Variants in ERLIN2 observed in about 807,000 individuals in gnomAD.
ERLIN2 encodes erlin-2.
ERLIN2 carries 22 observed loss-of-function variants against 41.5 expected under a neutral mutation model. The observed-to-expected ratio is 0.53, with a 90% CI of 0.38 to 0.76. The LOEUF is 0.76. Among genes scored for constraint, ERLIN2 ranks in the 30% least tolerant of loss-of-function variants. ERLIN2 has a pLI of 0.00. For synonymous variants in ERLIN2, 149 were observed against 150.9 expected (o/e 0.99, Z 0.09); for missense variants, 247 against 414.3 (o/e 0.60, Z 3.51).
chr8:37,744,283 G>A (rs1296793395), intron 4 of ERLIN2, 72 bp from the exon 5 acceptor site: 25 of 1,275,266 alleles, frequency 2.0e-5, no homozygotes, highest in South Asian at 8.3e-5. Flanking sequence ...CACATCTTAC[G>A]CCATCACCCT....
intron 1 of ERLIN2, chr8:37,737,123 C>A: frequency 5.5e-6 from 2 of 364,246 alleles, no homozygotes; most frequent in Non-Finnish European, 7.6e-6. Context: ...CAGTCAGTCA[C>A]CATAGTTCCA....
At chr8:37,748,270 T>C (rs1041693903) in intron 6 of ERLIN2, among the ~76,000 whole-genome samples, 1 of 152,246 alleles carries the variant, frequency 6.6e-6, no homozygotes, top group Non-Finnish European at 1.5e-5. Context: ...AATGACGTTA[T>C]TAACTTATGG....
intron 10 of ERLIN2, among the ~76,000 whole-genome samples, chr8:37,752,797 A>G (rs1000051305): frequency 3.3e-5 from 5 of 152,270 alleles, no homozygotes; most frequent in African/African-American, 1.2e-4. Context: ...GAGGAATTAA[A>G]TAGGTCTTAA....
chr8:37,747,269 C>G, intron 6 of ERLIN2: 1 of 800,274 alleles, frequency 1.2e-6, no homozygotes. Context: ...TCTATGTAAT[C>G]AAGAAGTTAC....
chr8:37,750,872 C>T (rs148137819), intron 9 of ERLIN2, among the ~76,000 whole-genome samples: 27 of 152,114 alleles, frequency 1.8e-4, no homozygotes, highest in Middle Eastern at 3.4e-3. Flanking sequence ...CAGCGGGTGC[C>T]GGCACGCCTG....
intron 4 of ERLIN2, among the ~76,000 whole-genome samples, chr8:37,742,337 C>CT (rs1172606743): frequency 7.3e-6 from 1 of 136,692 alleles, no homozygotes; most frequent in Non-Finnish European, 1.5e-5. Context: ...GAGACTCCGT[C>CT]TTTAAAAAAA....
At chr8:37,745,828 A>C (rs1327818156) in intron 6 of ERLIN2, 6 of 1,360,886 alleles carry the variant, frequency 4.4e-6, no homozygotes, top group Non-Finnish European at 4.7e-6. Flanking sequence ...AAAGTTGGTA[A>C]ATTTGCCGTT....
chr8:37,750,150 G>C, intron 8 of ERLIN2: 2 of 620,412 alleles, frequency 3.2e-6, no homozygotes, highest in East Asian at 5.5e-5. Context: ...CAAGAGACCA[G>C]TAAGTGGACA....
intron 9 of ERLIN2, 21 bp downstream of exon 9, chr8:37,750,507 TC>T (rs1291891807): frequency 9.4e-6 from 15 of 1,596,384 alleles, no homozygotes; most frequent in Non-Finnish European, 1.3e-5. Context: ...GGTTCTGTGA[TC>T]CCCCTTTCCA....
At chr8:37,751,567 G>A in intron 9 of ERLIN2, 59 bp from the exon 10 acceptor site, 3 of 1,451,508 alleles carry the variant, frequency 2.1e-6, no homozygotes, top group Non-Finnish European at 2.9e-6. Context: ...TCGGGTGAAA[G>A]GTGAAATTAG....
At position 37,755,472 on chromosome 8, in the gene ERLIN2, A is replaced by G. The variant is rs1359827675; in HGVS notation, c.*1357A>G. 2 of 151,732 alleles carry G rather than the reference A, an allele frequency of 1.3e-5. No individual in the cohort carries two copies. Among genetic ancestry groups the G allele is most frequent in the African/African-American group, 4.8e-5 (2 of 41,296 alleles). The allele number at this position is 151,732 out of a possible 1,614,324, so 9.4% of individuals were successfully genotyped here. A position where few individuals can be genotyped will look rare whatever the true frequency, so the allele number is the denominator to read the frequency against. On this transcript the variant is annotated 3_prime_UTR_variant, in exon 12 of 12. Coordinates refer to ENST00000519638, the MANE Select transcript of ERLIN2 (RefSeq NM_007175.8). The stretch of plus-strand genomic sequence containing the variant: ...GTCTAGAATTAAGTGGAGGGCAGCT[A>G]TCTGGAGTTAACTTGCAAGCATATT...
In ERLIN2 at chr8:37,756,246, C is replaced by T. The variant is rs969230374; in HGVS notation, c.*2131C>T. 2 of 152,202 alleles carry T rather than the reference C, an allele frequency of 1.3e-5. No homozygotes were observed. Among genetic ancestry groups the T allele is most frequent in the African/African-American group, 4.8e-5 (2 of 41,454 alleles). 9.4% of individuals were successfully genotyped at this position (152,202 alleles called of 1,614,324 possible). A position where few individuals can be genotyped will look rare whatever the true frequency, so the allele number is the denominator to read the frequency against. On this transcript the variant is annotated 3_prime_UTR_variant, in exon 12 of 12. Transcript: ENST00000519638. ...AGGGAGTATCCATTTAAAATACATTCATCTTCCTCCCATTTCCGTGCTATT... is the reference window on the plus strand; with the variant it reads ...AGGGAGTATCCATTTAAAATACATTTATCTTCCTCCCATTTCCGTGCTATT...
At chr8:37,749,928 A>G in intron 8 of ERLIN2, 76 bp downstream of exon 8, 2 of 1,278,156 alleles carry the variant, frequency 1.6e-6, no homozygotes, top group Non-Finnish European at 2.3e-6. Context: ...AGAGGTAACC[A>G]AAGCTGCCAG....
chr8:37,745,072 T>C (rs757180899), intron 6 of ERLIN2: 2 of 557,070 alleles, frequency 3.6e-6, no homozygotes, highest in Non-Finnish European at 6.3e-6. Flanking sequence ...CATTTTAAGC[T>C]GAGGGTACTG....
At chr8:37,749,929 A>G in intron 8 of ERLIN2, 77 bp downstream of exon 8, 1 of 1,253,276 alleles carries the variant, frequency 8.0e-7, no homozygotes, top group African/African-American at 1.5e-5. Context: ...GAGGTAACCA[A>G]AGCTGCCAGG....
intron 6 of ERLIN2, among the ~76,000 whole-genome samples, chr8:37,748,388 T>A (rs898169368): frequency 2.0e-5 from 3 of 152,202 alleles, no homozygotes; most frequent in Non-Finnish European, 4.4e-5. Context: ...CTGGCAGGTG[T>A]GAGGTGCCGA....
chr8:37,755,754 A>AG lies in ERLIN2; in HGVS notation c.*1640dup, dbSNP rs1279230934. ...GCATTGAGCCTGCCTAGAAAGATAC[A>AG]GTGTTAGCTCCCCTTACTTCAAAGT... On this transcript the variant is annotated 3_prime_UTR_variant, in exon 12 of 12. Coordinates refer to ENST00000519638, the MANE Select transcript of ERLIN2 (RefSeq NM_007175.8). 1 of 152,032 alleles carries AG rather than the reference A, an allele frequency of 6.6e-6. No homozygotes were observed. Among genetic ancestry groups the AG allele is most frequent in the East Asian group, 1.9e-4 (1 of 5,188 alleles). 9.4% of individuals were successfully genotyped at this position (152,032 alleles called of 1,614,324 possible). A position where few individuals can be genotyped will look rare whatever the true frequency, so the allele number is the denominator to read the frequency against.
In ERLIN2 at chr8:37,754,362, CT is replaced by C; in HGVS notation, c.*250del. The C allele has an allele frequency of 2.0e-6, 1 of 501,340 alleles. No homozygotes were observed. Among genetic ancestry groups the C allele is most frequent in the Non-Finnish European group, 3.6e-6 (1 of 276,312 alleles). 31.1% of individuals were successfully genotyped at this position (501,340 alleles called of 1,614,324 possible). A position where few individuals can be genotyped will look rare whatever the true frequency, so the allele number is the denominator to read the frequency against. ...AAGATTTGTAAATCATGGGCTTGACCTTTGACCTCTAGACACTAATTTTATC... is the reference window on the plus strand; with the variant it reads ...AAGATTTGTAAATCATGGGCTTGACCTTGACCTCTAGACACTAATTTTATC... On this transcript the variant is annotated 3_prime_UTR_variant, in exon 12 of 12. Transcript: ENST00000519638.
At position 37,750,378 on chromosome 8, in the gene ERLIN2, CT is replaced by C; in HGVS notation, c.558-12del. The C allele has an allele frequency of 6.2e-7, 1 of 1,605,282 alleles. No homozygotes were observed. Among genetic ancestry groups the C allele is most frequent in the Non-Finnish European group, 8.5e-7 (1 of 1,173,058 alleles). ...TGAGTTTTCCATAGCTGCCTCACGG[CT>C]TTTTCTTCTCTTCAGGGAAAGTGAG... On this transcript the variant is annotated splice_polypyrimidine_tract_variant and intron_variant, in intron 8 of 11. Transcript: ENST00000519638.
Sources: gnomAD v4.1 joint callset for allele counts (sites outside exome capture counted in the v4.1 genomes callset) on GRCh38, gnomAD v4.1.1 for gene constraint, MANE v1.5 for transcripts, NCBI Gene and HGNC (gene_info 2026-07-23, HGNC 2026-07-21) for gene names.